Variants in FSTL4 observed in about 807,000 individuals in gnomAD.
FSTL4 encodes follistatin like 4, also known as follistatin-related protein 4.
In FSTL4, 28 loss-of-function variants were observed where a neutral mutation model predicts 78.2. The observed-to-expected ratio is 0.36, with a 90% CI of 0.27 to 0.49. FSTL4 has a LOEUF of 0.49. FSTL4 is among the 20% of genes least tolerant of loss of function. FSTL4 has a pLI of 0.98. For synonymous variants in FSTL4, 422 were observed against 440.5 expected (o/e 0.96, Z 0.53); for missense variants, 922 against 1,084.9 (o/e 0.85, Z 2.11).
intron 6 of FSTL4, among the ~76,000 whole-genome samples, chr5:133,288,887 ACTGT>A (rs1753195109): frequency 6.9e-6 from 1 of 144,514 alleles, no homozygotes; most frequent in South Asian, 2.1e-4. Flanking sequence ...TTACAGGAAA[ACTGT>A]CTGCTCTCTT....
chr5:133,706,271 A>T, the FSTL4 span, among the ~76,000 whole-genome samples: 1 of 152,236 alleles, frequency 6.6e-6, no homozygotes, highest in Non-Finnish European at 1.5e-5. Context: ...GGCCTAGTTC[A>T]CAGTTGGCAT....
the FSTL4 span, among the ~76,000 whole-genome samples, chr5:133,839,251 T>C: frequency 6.6e-6 from 1 of 152,196 alleles, no homozygotes; most frequent in Non-Finnish European, 1.5e-5. Context: ...AAGGCTGGTT[T>C]CTAGAAGCCC....
chr5:133,614,637 A>C (rs147720060), upstream of FSTL4, among the ~76,000 whole-genome samples: 64 of 152,236 alleles, frequency 4.2e-4, no homozygotes, highest in African/African-American at 1.5e-3. Context: ...TACACCCCAA[A>C]TTGGAAAATA....
chr5:133,519,245 C>T (rs1758925355), intron 3 of FSTL4, among the ~76,000 whole-genome samples: 1 of 152,264 alleles, frequency 6.6e-6, no homozygotes, highest in Non-Finnish European at 1.5e-5. Context: ...ACACACAACA[C>T]ATTTCCACCC....
intron 3 of FSTL4, among the ~76,000 whole-genome samples, chr5:133,473,033 C>T (rs1017933828): frequency 2.0e-5 from 3 of 152,204 alleles, no homozygotes; most frequent in African/African-American, 4.8e-5. Flanking sequence ...TATTGTGACT[C>T]CTGCAGGGTT....
At chr5:133,402,626 T>G (rs1252815473) in intron 3 of FSTL4, among the ~76,000 whole-genome samples, 1 of 152,210 alleles carries the variant, frequency 6.6e-6, no homozygotes, top group Non-Finnish European at 1.5e-5. Flanking sequence ...TTTTTCTTGT[T>G]TTTGGTTAAG....
chr5:133,331,825 C>CCTCTGGGAGGAGAGTGAGAAGG (rs1754354432), intron 4 of FSTL4, among the ~76,000 whole-genome samples: 1 of 152,170 alleles, frequency 6.6e-6, no homozygotes, highest in African/African-American at 2.4e-5. Context: ...AGGGCTTGAG[C>CCTCTGGGAGGAGAGTGAGAAGG]CTCTGGGAGG....
intron 3 of FSTL4, among the ~76,000 whole-genome samples, chr5:133,496,636 T>A (rs182394958): frequency 1.3e-5 from 2 of 152,136 alleles, no homozygotes; most frequent in Non-Finnish European, 2.9e-5. Flanking sequence ...TGCCCCATGA[T>A]GAATGTCATG....
the FSTL4 span, among the ~76,000 whole-genome samples, chr5:133,635,147 G>C: frequency 6.6e-6 from 1 of 152,026 alleles, no homozygotes; most frequent in Non-Finnish European, 1.5e-5. Context: ...TGGAAAGCAG[G>C]CCCCTGCTAG....
At chr5:133,757,969 C>T in the FSTL4 span, among the ~76,000 whole-genome samples, 1 of 152,174 alleles carries the variant, frequency 6.6e-6, no homozygotes. Context: ...AGTAAAACAA[C>T]TCATTATATA....
In FSTL4 at chr5:133,598,915, C is replaced by T. The variant is rs145706952; in HGVS notation, c.126+4943G>A. Reference sequence around the variant, plus strand: ...GAAAATGCGAACGTCCAGCTTGGACCCCCGTTGGTTCACCGGGAAGAGGGA... The same window carrying T: ...GAAAATGCGAACGTCCAGCTTGGACTCCCGTTGGTTCACCGGGAAGAGGGA... On this transcript the variant is annotated intron_variant, in intron 2 of 15. Coordinates refer to ENST00000265342, the MANE Select transcript of FSTL4 (RefSeq NM_015082.2). Among the ~76,000 whole-genome samples, 326 of 152,226 alleles carry T rather than the reference C, an allele frequency of 2.1e-3. 1 individual carries two copies. Among genetic ancestry groups the T allele is most frequent in the African/African-American group, 4.4e-3 (183 of 41,534 alleles).
intron 3 of FSTL4, among the ~76,000 whole-genome samples, chr5:133,405,990 C>T (rs1380687840): frequency 6.6e-6 from 1 of 152,214 alleles, no homozygotes; most frequent in African/African-American, 2.4e-5. Flanking sequence ...AGAATAGGCT[C>T]CTATCCTCAG....
chr5:133,474,195 G>A (rs1311892936), intron 3 of FSTL4, among the ~76,000 whole-genome samples: 1 of 152,186 alleles, frequency 6.6e-6, no homozygotes, highest in Non-Finnish European at 1.5e-5. Context: ...TACAGGTGGT[G>A]CCTAATAACC....
In FSTL4 at chr5:133,225,166, G is replaced by A. The variant is rs1286860498; in HGVS notation, c.1296C>T (p.Asp432=). 3 of 1,614,214 alleles carry A rather than the reference G, an allele frequency of 1.9e-6. No individual in the cohort carries two copies. Among genetic ancestry groups the A allele is most frequent in the Non-Finnish European group, 2.5e-6 (3 of 1,180,034 alleles). The part of the protein sequence containing the change: ...DEDISSLFIE[D]SARKTLANIL... ...TCGACTTACGGGTCTTTCTAGCTGA[G>A]TCTTCAATGAAGAGCGAGGAGATAT... is the stretch of plus-strand genomic sequence containing the variant. Residue 432 remains aspartate, a synonymous_variant, in exon 10 of 16, where the codon GAC becomes GAT. Transcript: ENST00000265342. The surrounding 1 kb of genome is among the most constrained non-coding windows in gnomAD (Gnocchi z 4.6).
the FSTL4 span, among the ~76,000 whole-genome samples, chr5:133,626,983 A>G: frequency 6.6e-6 from 1 of 152,098 alleles, no homozygotes; most frequent in Non-Finnish European, 1.5e-5. Context: ...GAGAGCAGGT[A>G]TTGAAGTCTC....
Position 133,503,159 on chromosome 5 carries a change from T to C in FSTL4, c.160+64027A>G, listed in dbSNP as rs565693144. Reference sequence around the variant, plus strand: ...CAAAATTAGAGACTTTCCAGAGAGATATAGAAATGATCACAGATCATGCTT... The same window carrying C: ...CAAAATTAGAGACTTTCCAGAGAGACATAGAAATGATCACAGATCATGCTT... On this transcript the variant is annotated intron_variant, in intron 3 of 15. Coordinates refer to ENST00000265342, the MANE Select transcript of FSTL4 (RefSeq NM_015082.2). Among the ~76,000 whole-genome samples the C allele has an allele frequency of 9.2e-5, 14 of 152,170 alleles. No homozygotes were observed. The Middle Eastern group carries it at 0.01, about 112-fold the overall frequency.
At chr5:133,356,683 A>G (rs560735827) in intron 4 of FSTL4, among the ~76,000 whole-genome samples, 2 of 152,374 alleles carry the variant, frequency 1.3e-5, no homozygotes, top group South Asian at 4.1e-4. Flanking sequence ...GGTTGCCACA[A>G]GACTAGAAAC....
Position 133,260,547 on chromosome 5 carries a change from C to T in FSTL4, c.728-10971G>A, listed in dbSNP as rs1007620772. ...CCAGGGACCACAGAGCTCCTGCTGC[C>T]TTCTTTTTGTAGAGGAAACATTGCT... On this transcript the variant is annotated intron_variant, in intron 6 of 15. Transcript: ENST00000265342. Among the ~76,000 whole-genome samples, 9 of 152,270 alleles carry T rather than the reference C, an allele frequency of 5.9e-5. No individual in the cohort carries two copies. The East Asian group carries it at 1.5e-3, about 26-fold the overall frequency.
At chr5:133,700,105 T>A in the FSTL4 span, among the ~76,000 whole-genome samples, 1 of 151,988 alleles carries the variant, frequency 6.6e-6, no homozygotes, top group Admixed American at 6.6e-5. Context: ...TCGAGTAGCA[T>A]CAGAGAGCAA....
Sources: gnomAD v4.1 joint callset for allele counts (sites outside exome capture counted in the v4.1 genomes callset) on GRCh38, gnomAD v4.1.1 for gene constraint, Gnocchi (gnomAD v3.1) non-coding constraint, MANE v1.5 for transcripts, NCBI Gene and HGNC (gene_info 2026-07-23, HGNC 2026-07-21) for gene names.